Variants in PRKD1 observed in about 807,000 individuals in gnomAD.
PRKD1 encodes the protein protein kinase D1.
Under a neutral mutation model 95.9 loss-of-function variants are expected in PRKD1, and 63 were observed. That is an observed-to-expected ratio of 0.66 (90% CI 0.54 to 0.81). The LOEUF (loss-of-function observed/expected upper bound fraction) is 0.81. PRKD1 is among the 30% of genes least tolerant of loss of function. PRKD1 has a pLI of 0.00. For missense variants in PRKD1, 1,048 were observed against 1,165.3 expected, an observed-to-expected ratio of 0.90 and a Z score of 1.47; for synonymous variants, 425 against 423.1, an observed-to-expected ratio of 1.00 and a Z score of -0.05.
At chr14:29,688,757 C>T (rs561277788) in intron 2 of PRKD1, among the ~76,000 whole-genome samples, 256 of 151,912 alleles carry the variant, frequency 1.7e-3, no homozygotes, top group Admixed American at 4.3e-3. Context: ...CACGGTGAAA[C>T]CTCATCTCTA....
intron 2 of PRKD1, among the ~76,000 whole-genome samples, chr14:29,676,441 G>A (rs937323555): frequency 3.9e-5 from 6 of 151,992 alleles, no homozygotes; most frequent in African/African-American, 9.7e-5. Flanking sequence ...TGCAACCTCC[G>A]CCTTCCAGGT....
chr14:29,600,245 T>C (rs1893468398), intron 13 of PRKD1, among the ~76,000 whole-genome samples: 1 of 152,160 alleles, frequency 6.6e-6, no homozygotes, highest in Non-Finnish European at 1.5e-5. Context: ...GGCCATGCAC[T>C]GATTAAGTAC....
intron 2 of PRKD1, among the ~76,000 whole-genome samples, chr14:29,706,347 T>C (rs912859083): frequency 9.9e-5 from 15 of 152,252 alleles, no homozygotes; most frequent in South Asian, 6.2e-4. Flanking sequence ...CCATATGCGT[T>C]ATTCTTGTTC....
chr14:29,593,182 T>C (rs1893188934), intron 16 of PRKD1, among the ~76,000 whole-genome samples: 1 of 152,186 alleles, frequency 6.6e-6, no homozygotes, highest in Admixed American at 6.5e-5. Context: ...ACAGGGCAAA[T>C]ACTGTAAAAG....
intron 2 of PRKD1, among the ~76,000 whole-genome samples, chr14:29,696,448 T>C (rs958482085): frequency 6.6e-6 from 1 of 152,218 alleles, no homozygotes. Flanking sequence ...CTGATTCCTA[T>C]GTTTCACATT....
intron 1 of PRKD1, among the ~76,000 whole-genome samples, chr14:29,728,783 G>C (rs2139403471): frequency 6.6e-6 from 1 of 152,112 alleles, no homozygotes; most frequent in Non-Finnish European, 1.5e-5. Flanking sequence ...GTTTCTTGTG[G>C]GTAAATACCC....
At chr14:29,713,992 A>C (rs2139363651) in intron 2 of PRKD1, among the ~76,000 whole-genome samples, 1 of 152,298 alleles carries the variant, frequency 6.6e-6, no homozygotes, top group African/African-American at 2.4e-5. Flanking sequence ...CAATTAAATA[A>C]GATATAGAAA....
At chr14:29,811,803 C>T (rs1890495706) in intron 1 of PRKD1, 1 of 152,138 alleles carries the variant, frequency 6.6e-6, no homozygotes, top group Non-Finnish European at 1.5e-5. Flanking sequence ...AACATAAATA[C>T]AAATATAAAA....
intron 3 of PRKD1, 44 bp downstream of exon 3, chr14:29,666,033 G>C: frequency 6.5e-7 from 1 of 1,538,644 alleles, no homozygotes; most frequent in East Asian, 2.3e-5. Context: ...ATAAACACAG[G>C]AGAACAGCAC....
intron 1 of PRKD1, among the ~76,000 whole-genome samples, chr14:29,834,591 TAAAC>T (rs1350473465): frequency 2.0e-5 from 3 of 152,180 alleles, no homozygotes; most frequent in Non-Finnish European, 2.9e-5. Context: ...TTTACTATAA[TAAAC>T]ATAATAATAA....
At chr14:29,654,093 T>C (rs7142048) in intron 4 of PRKD1, among the ~76,000 whole-genome samples, 1 of 151,646 alleles carries the variant, frequency 6.6e-6, no homozygotes, top group African/African-American at 2.4e-5. Context: ...TTTTTTTTTT[T>C]AAAAAAGCAG....
chr14:29,578,545 A>G (rs1892645938), intron 16 of PRKD1, among the ~76,000 whole-genome samples, 185 bp from the exon 17 acceptor site: 3 of 98,808 alleles, frequency 3.0e-5, no homozygotes, highest in Non-Finnish European at 4.1e-5. Context: ...TTGGATACTA[A>G]AAAAAAAAAA....
rs771258173 is a variant in PRKD1 at position 29,592,430 on chromosome 14, A to G, written c.2434+5061T>C. ...ATATGATGTATGTATGTACTCTGTT[A>G]CATATTGCTTATAATGTATTTTATA... On this transcript the variant is annotated intron_variant, in intron 16 of 17. Transcript: ENST00000331968. 3.7e-4 allele frequency among the ~76,000 whole-genome samples: 56 copies of G among 152,210 alleles called. 1 individual carries two copies. The highest frequency in any genetic ancestry group is 4.0e-4 in the Non-Finnish European group (27 of 68,036).
intron 4 of PRKD1, among the ~76,000 whole-genome samples, chr14:29,655,052 T>G (rs186271071): frequency 6.6e-6 from 1 of 152,346 alleles, no homozygotes; most frequent in Non-Finnish European, 1.5e-5. Flanking sequence ...CAGACTACTC[T>G]TCAGTCCTCC....
chr14:29,768,118 C>T (rs1888336411), intron 1 of PRKD1, among the ~76,000 whole-genome samples: 1 of 152,120 alleles, frequency 6.6e-6, no homozygotes, highest in South Asian at 2.1e-4. Flanking sequence ...TCACTAGAAA[C>T]CTCCCAGAGG....
At chr14:29,855,878 C>T (rs752167300) in intron 1 of PRKD1, among the ~76,000 whole-genome samples, 2 of 152,108 alleles carry the variant, frequency 1.3e-5, no homozygotes, top group African/African-American at 2.4e-5. Flanking sequence ...GTGACTTGTT[C>T]CTTCTTGCTT....
At chr14:29,882,122 G>GAAT (rs10630285) in intron 1 of PRKD1, among the ~76,000 whole-genome samples, 67,444 of 151,806 alleles carry the variant, frequency 0.44, 16,724 homozygotes, top group African/African-American at 0.68. Context: ...ATAAATATAT[G>GAAT]AATAACTTTC....
intron 2 of PRKD1, among the ~76,000 whole-genome samples, chr14:29,704,845 C>T (rs1051780660): frequency 2.6e-5 from 4 of 152,072 alleles, no homozygotes; most frequent in Admixed American, 2.0e-4. Context: ...AAAGAACAGA[C>T]GCATGTATCT....
intron 1 of PRKD1, among the ~76,000 whole-genome samples, chr14:29,863,105 C>T (rs1486134878): frequency 1.3e-5 from 2 of 152,170 alleles, no homozygotes; most frequent in Admixed American, 1.3e-4. Context: ...TCAAGGTTTC[C>T]TTTCAATCAC....
Sources: gnomAD v4.1 joint callset for allele counts (sites outside exome capture counted in the v4.1 genomes callset) on GRCh38, gnomAD v4.1.1 for gene constraint, MANE v1.5 for transcripts, NCBI Gene and HGNC (gene_info 2026-07-23, HGNC 2026-07-21) for gene names.